SPATA17: variants seen among roughly 807,000 people sequenced by gnomAD.
SPATA17 encodes the protein spermatogenesis associated 17.
A neutral mutation model predicts 62.2 loss-of-function variants in SPATA17; 53 were observed. The observed-to-expected ratio is 0.85, with a 90% CI of 0.68 to 1.07. The LOEUF (loss-of-function observed/expected upper bound fraction) is 1.07. Among genes scored for constraint, SPATA17 ranks in the 50% least tolerant of loss-of-function variants. The probability of loss-of-function intolerance (pLI) is 0.00; values close to 1 mark genes in which losing one functional copy is unlikely to be tolerated. For missense variants in SPATA17, 466 were observed against 425.5 expected (o/e 1.10, Z -0.84); for synonymous variants, 146 against 146.8 (o/e 0.99, Z 0.04).
intron 1 of SPATA17, among the ~76,000 whole-genome samples, chr1:217,643,614 A>T (rs1670115252): frequency 6.6e-6 from 1 of 151,870 alleles, no homozygotes; most frequent in African/African-American, 2.4e-5. Flanking sequence ...ACAGTGCCCT[A>T]CTTTTCCTGC....
At position 217,766,482 on chromosome 1, in the gene SPATA17, G is replaced by T. The variant is rs116985060; in HGVS notation, c.520-7852G>T. On this transcript the variant is annotated intron_variant, in intron 6 of 10. Transcript: ENST00000366933. The stretch of plus-strand genomic sequence containing the variant: ...ACCTTATAATAACAAAATAATTATC[G>T]TTTCTCCATCCCATCTCTTATATTA... Among the ~76,000 whole-genome samples the T allele has an allele frequency of 7.9e-5, 12 of 151,292 alleles. No individual in the cohort carries two copies. The East Asian group carries it at 2.3e-3, about 29-fold the overall frequency.
chr1:217,833,016 G>A (rs1675180058), intron 9 of SPATA17, among the ~76,000 whole-genome samples: 1 of 151,936 alleles, frequency 6.6e-6, no homozygotes, highest in Non-Finnish European at 1.5e-5. Context: ...CACTGCTTCA[G>A]AAAAGTCTAT....
chr1:217,743,541 G>T (rs1672674633), intron 6 of SPATA17, among the ~76,000 whole-genome samples: 2 of 151,778 alleles, frequency 1.3e-5, no homozygotes. Context: ...AGTTCTAGTT[G>T]TGCTATGTAT....
In SPATA17 at chr1:217,709,980, G is replaced by A. The variant is rs191822947; in HGVS notation, c.395+26619G>A. ...CTAGTCCAATCCTCTATCTTTGGGG[G>A]TTAAATCATTTAAAGAAGAAAAGTA... On this transcript the variant is annotated intron_variant, in intron 5 of 10. Coordinates refer to ENST00000366933, the MANE Select transcript of SPATA17 (RefSeq NM_138796.4). Among the ~76,000 whole-genome samples, 19 of 152,284 alleles carry A rather than the reference G, an allele frequency of 1.2e-4. 1 individual carries two copies. Among genetic ancestry groups the A allele is most frequent in the Admixed American group, 1.2e-3 (19 of 15,284 alleles).
intron 5 of SPATA17, among the ~76,000 whole-genome samples, chr1:217,696,244 T>A (rs1360167607): frequency 2.0e-5 from 3 of 152,064 alleles, no homozygotes; most frequent in African/African-American, 7.2e-5. Context: ...CGGGTGGGAG[T>A]GACCCGATTT....
intron 9 of SPATA17, among the ~76,000 whole-genome samples, chr1:217,839,699 T>A (rs1229091586): frequency 6.8e-6 from 1 of 147,674 alleles, no homozygotes; most frequent in African/African-American, 2.5e-5. Flanking sequence ...AGCATATCCA[T>A]ATATATCTTT....
intron 9 of SPATA17, among the ~76,000 whole-genome samples, chr1:217,816,619 T>C (rs1362714067): frequency 1.3e-5 from 2 of 151,986 alleles, no homozygotes; most frequent in Non-Finnish European, 2.9e-5. Flanking sequence ...ATAATATACA[T>C]ACACACAATT....
chr1:217,797,154 G>C (rs1024709051), intron 8 of SPATA17, among the ~76,000 whole-genome samples: 8 of 152,064 alleles, frequency 5.3e-5, no homozygotes, highest in South Asian at 2.1e-4. Flanking sequence ...TGGTTTATGA[G>C]AACCGGGTCA....
At chr1:217,723,350 G>T (rs1215465434) in intron 5 of SPATA17, among the ~76,000 whole-genome samples, 1 of 151,964 alleles carries the variant, frequency 6.6e-6, no homozygotes, top group African/African-American at 2.4e-5. Flanking sequence ...TCCCAAAGTC[G>T]GGGGCCCATA....
intron 9 of SPATA17, among the ~76,000 whole-genome samples, chr1:217,838,184 C>T (rs183753101): frequency 5.9e-5 from 9 of 152,056 alleles, no homozygotes; most frequent in Admixed American, 4.6e-4. Context: ...ATTTCATTTG[C>T]GGCCCACATA....
rs899679850 is a variant in SPATA17, at chr1:217,840,866, T to C, written c.1006-21908T>C. Among the ~76,000 whole-genome samples the C allele has an allele frequency of 2.6e-5, 4 of 151,730 alleles. No homozygotes were observed. In the East Asian group the frequency reaches 7.8e-4, roughly 29 times the overall value. The stretch of plus-strand genomic sequence containing the variant: ...ACAGTGAGACCCTGTCTCAAAAAAA[T>C]AAATAAATAAAATAATAATAATAGT... On this transcript the variant is annotated intron_variant, in intron 9 of 10. Coordinates refer to ENST00000366933, the MANE Select transcript of SPATA17 (RefSeq NM_138796.4).
intron 6 of SPATA17, among the ~76,000 whole-genome samples, chr1:217,748,209 A>G (rs921294307): frequency 2.0e-5 from 3 of 151,214 alleles, no homozygotes; most frequent in South Asian, 2.1e-4. Flanking sequence ...AGGCTGAGGC[A>G]GGAGAATGGT....
intron 5 of SPATA17, among the ~76,000 whole-genome samples, chr1:217,729,823 A>G (rs1160599154): frequency 6.6e-6 from 1 of 152,218 alleles, no homozygotes; most frequent in Non-Finnish European, 1.5e-5. Context: ...GCTATATTTT[A>G]ACAAGAATGT....
chr1:217,676,521 C>T (rs956639317), intron 4 of SPATA17, among the ~76,000 whole-genome samples: 4 of 152,142 alleles, frequency 2.6e-5, no homozygotes, highest in Non-Finnish European at 4.4e-5. Context: ...AAGTCAACTG[C>T]TGTTTCTAAA....
intron 3 of SPATA17, chr1:217,665,442 G>C (rs1004155237): frequency 1.3e-5 from 2 of 152,234 alleles, no homozygotes; most frequent in East Asian, 3.9e-4. Context: ...TGTTCCAAAT[G>C]GATTAAACAG....
At chr1:217,841,850 A>G (rs1044434052) in intron 9 of SPATA17, among the ~76,000 whole-genome samples, 1 of 151,110 alleles carries the variant, frequency 6.6e-6, no homozygotes, top group Admixed American at 6.6e-5. Context: ...TATACATATT[A>G]TGTATATGAT....
intron 5 of SPATA17, among the ~76,000 whole-genome samples, chr1:217,711,393 T>C (rs1671860770): frequency 6.6e-6 from 1 of 152,256 alleles, no homozygotes; most frequent in Admixed American, 6.5e-5. Context: ...TGTTTTCATT[T>C]ATCTTGGGTA....
chr1:217,684,682 T>G (rs1344061723), intron 5 of SPATA17, among the ~76,000 whole-genome samples: 1 of 152,110 alleles, frequency 6.6e-6, no homozygotes, highest in Non-Finnish European at 1.5e-5. Context: ...TCCCAAAGTG[T>G]TGGGATTACA....
At chr1:217,737,224 T>TAAA (rs1442986488) in intron 5 of SPATA17, among the ~76,000 whole-genome samples, 1 of 152,184 alleles carries the variant, frequency 6.6e-6, no homozygotes, top group Non-Finnish European at 1.5e-5. Context: ...CTGAGTGTAA[T>TAAA]AATATCTGCC....
Sources: gnomAD v4.1 joint callset for allele counts (sites outside exome capture counted in the v4.1 genomes callset) on GRCh38, gnomAD v4.1.1 for gene constraint, MANE v1.5 for transcripts, NCBI Gene and HGNC (gene_info 2026-07-23, HGNC 2026-07-21) for gene names.